Variants in SIX1 observed in about 807,000 individuals in gnomAD.
The protein encoded by SIX1 is SIX homeobox 1.
Under a neutral mutation model 26.5 loss-of-function variants are expected in SIX1, and 11 were observed. The observed-to-expected ratio is 0.41, with a 90% CI of 0.26 to 0.69. SIX1 has a LOEUF of 0.69. Ranked by LOEUF, SIX1 falls within the 30% of genes least tolerant of loss-of-function variation. SIX1 has a pLI of 0.28. For missense variants in SIX1, 333 were observed against 365.9 expected, an observed-to-expected ratio of 0.91 and a Z score of 0.73; for synonymous variants, 177 against 166.2, an observed-to-expected ratio of 1.06 and a Z score of -0.50.
chr14:60,648,695 G>A lies in SIX1; in HGVS notation c.495C>T (p.Thr165=), dbSNP rs1181935324. ...RELAEATGLT[T]TQVSNWFKNR... ...TCTTAAACCAGTTGCTGACCTGGGT[G>A]GTGGTGAGGCCGGTGGCCTCGGCCA... The change falls in exon 1 of 2, where the codon ACC becomes ACT. Residue 165 remains threonine (T), a synonymous_variant. Coordinates refer to ENST00000645694, the MANE Select transcript of SIX1 (RefSeq NM_005982.4). The surrounding 1 kb of genome is among the most constrained non-coding windows in gnomAD (Gnocchi z 7.9). 1.2e-6 allele frequency: 2 copies of A among 1,614,002 alleles called. No homozygotes were observed. The highest frequency in any genetic ancestry group is 2.2e-5 in the East Asian group (1 of 44,890).
rs1182355421 is a variant in SIX1 at position 60,648,221 on chromosome 14, AGAG to A, written c.560+406_560+408del. On this transcript the variant is annotated intron_variant, in intron 1 of 1. Transcript: ENST00000645694. This position sits in a 1 kb window ranked among gnomAD's most constrained non-coding sequence, Gnocchi z 7.9. ...GCCAGCTTCACCCCTCTGGGGAGCA[AGAG>A]GAGAGAGGTTCGCGAACCTCAGCTC... is the stretch of plus-strand genomic sequence containing the variant. Among the ~76,000 whole-genome samples the A allele has an allele frequency of 2.6e-5, 4 of 152,108 alleles. No individual in the cohort carries two copies. Among genetic ancestry groups the A allele is most frequent in the African/African-American group, 9.7e-5 (4 of 41,432 alleles).
chr14:60,646,620 A>AG, intron 1 of SIX1, 43 bp from the exon 2 acceptor site: 1 of 1,494,966 alleles, frequency 6.7e-7, no homozygotes, highest in Non-Finnish European at 9.0e-7. Context: ...AAAAAAAAAA[A>AG]AAAAAAAAAA....
rs1310180477 is a variant in SIX1, at chr14:60,646,109, C to T, written c.*174G>A. The T allele has an allele frequency of 8.4e-6, 5 of 595,946 alleles. No homozygotes were observed. The highest frequency in any genetic ancestry group is 8.6e-6 in the Non-Finnish European group (3 of 348,712). The allele number at this position is 595,946 out of a possible 1,614,324, so 36.9% of individuals were successfully genotyped here. On this transcript the variant is annotated 3_prime_UTR_variant, in exon 2 of 2. Transcript: ENST00000645694. Reference sequence around the variant, plus strand: ...GAGAAGAGGAGATTAAGCTTGAGATCGCTGTTGGTTTTGATTTTTAAAAAG... The same window carrying T: ...GAGAAGAGGAGATTAAGCTTGAGATTGCTGTTGGTTTTGATTTTTAAAAAG...
chr14:60,645,489 AT>A lies in SIX1; in HGVS notation c.*793del, dbSNP rs1894923082. 1 of 148,666 alleles carries A rather than the reference AT, an allele frequency of 6.7e-6. No homozygotes were observed. The highest frequency in any genetic ancestry group is 1.5e-5 in the Non-Finnish European group (1 of 67,424). The allele number at this position is 148,666 out of a possible 1,614,324, so 9.2% of individuals were successfully genotyped here. On this transcript the variant is annotated 3_prime_UTR_variant, in exon 2 of 2. Transcript: ENST00000645694. This position sits in a 1 kb window ranked among gnomAD's most constrained non-coding sequence, Gnocchi z 4.6. The stretch of plus-strand genomic sequence containing the variant: ...GGCATTCAGGAAAGTGTTTTTTCAC[AT>A]TGGTACATTTTTAGAGTTTGTCATT...
rs139599455 is a variant in SIX1, at chr14:60,647,677, C to G, written c.560+953G>C. ...GTCTTGGAAGCGAACAAAGGAAAAC[C>G]TAACCGGCCCCTGCGCTCAGGTTTT... On this transcript the variant is annotated intron_variant, in intron 1 of 1. Transcript: ENST00000645694. The surrounding 1 kb of genome is among the most constrained non-coding windows in gnomAD (Gnocchi z 5.1). 5.9e-5 allele frequency among the ~76,000 whole-genome samples: 9 copies of G among 152,200 alleles called. No individual in the cohort carries two copies. The East Asian group carries it at 1.5e-3, about 26-fold the overall frequency.
intron 1 of SIX1, 93 bp from the exon 2 acceptor site, chr14:60,646,670 T>C: frequency 9.6e-7 from 1 of 1,041,262 alleles, no homozygotes; most frequent in Non-Finnish European, 1.4e-6. Context: ...GGAGGGGAGC[T>C]GGAAGGAGGA....
At position 60,647,911 on chromosome 14, in the gene SIX1, C is replaced by A. The variant is rs1233254996; in HGVS notation, c.560+719G>T. 6.6e-6 allele frequency among the ~76,000 whole-genome samples: 1 copy of A among 152,226 alleles called. No individual in the cohort carries two copies. The highest frequency in any genetic ancestry group is 2.1e-4 in the South Asian group (1 of 4,832). ...TGCGAGAGAGGGCTGCGACTGGAGA[C>A]CCTTTCCTCGTCTGGGCATGCGGCG... On this transcript the variant is annotated intron_variant, in intron 1 of 1. Coordinates refer to ENST00000645694, the MANE Select transcript of SIX1 (RefSeq NM_005982.4). This position sits in a 1 kb window ranked among gnomAD's most constrained non-coding sequence, Gnocchi z 5.1.
Position 60,645,355 on chromosome 14 carries a change from C to G in SIX1, c.*928G>C, listed in dbSNP as rs1894920159. ...ACACATGCTGTTTTAGTAACAAATA[C>G]CAGGTTGCCAGATTCGTTGGCATAC... is the stretch of plus-strand genomic sequence containing the variant. On this transcript the variant is annotated 3_prime_UTR_variant, in exon 2 of 2. Coordinates refer to ENST00000645694, the MANE Select transcript of SIX1 (RefSeq NM_005982.4). The surrounding 1 kb of genome is among the most constrained non-coding windows in gnomAD (Gnocchi z 4.6). 1.3e-5 allele frequency: 2 copies of G among 152,112 alleles called. No individual in the cohort carries two copies. Among genetic ancestry groups the G allele is most frequent in the African/African-American group, 4.8e-5 (2 of 41,440 alleles). The allele number at this position is 152,112 out of a possible 1,614,324, so 9.4% of individuals were successfully genotyped here. A position where few individuals can be genotyped will look rare whatever the true frequency, so the allele number is the denominator to read the frequency against.
rs765427858 is a variant in SIX1, at chr14:60,648,685, T to C, written c.505A>G (p.Ser169Gly). 6.2e-7 allele frequency: 1 copy of C among 1,614,142 alleles called. No homozygotes were observed. The highest frequency in any genetic ancestry group is 1.1e-5 in the South Asian group (1 of 91,088). The change falls in exon 1 of 2, where the codon AGC (serine) becomes GGC (glycine). Residue 169 changes from serine (S) to glycine (G), a missense_variant. By Grantham distance (56) the Ser-to-Gly change is moderately conservative (BLOSUM62 0). This residue lies in a region of SIX1 where 199 missense variants were observed against 215.2 expected (regional missense o/e 0.92). Coordinates refer to ENST00000645694, the MANE Select transcript of SIX1 (RefSeq NM_005982.4). The surrounding 1 kb of genome is among the most constrained non-coding windows in gnomAD (Gnocchi z 7.9). Reference sequence around the variant, plus strand: ...TGCCTCCGGTTCTTAAACCAGTTGCTGACCTGGGTGGTGGTGAGGCCGGTG... The same window carrying C: ...TGCCTCCGGTTCTTAAACCAGTTGCCGACCTGGGTGGTGGTGAGGCCGGTG... ...EATGLTTTQVSNWFKNRRQRD... is the reference protein window; with the variant it reads ...EATGLTTTQVGNWFKNRRQRD...
chr14:60,649,351 C>T lies in SIX1; in HGVS notation c.-162G>A. 1 of 634,422 alleles carries T rather than the reference C, an allele frequency of 1.6e-6. No individual in the cohort carries two copies. Among genetic ancestry groups the T allele is most frequent in the East Asian group, 2.8e-5 (1 of 36,000 alleles). The allele number at this position is 634,422 out of a possible 1,614,324, so 39.3% of individuals were successfully genotyped here. A position where few individuals can be genotyped will look rare whatever the true frequency, so the allele number is the denominator to read the frequency against. On this transcript the variant is annotated 5_prime_UTR_variant, in exon 1 of 2. Transcript: ENST00000645694. The surrounding 1 kb of genome is among the most constrained non-coding windows in gnomAD (Gnocchi z 5.1). ...GAGTCGGAACTTGGCGGTGGGCGGC[C>T]AAGGAAGAGAAGGCGGAGGAGTAGG...
intron 1 of SIX1, 81 bp from the exon 2 acceptor site, chr14:60,646,658 A>C: frequency 8.0e-7 from 1 of 1,255,880 alleles, no homozygotes; most frequent in Non-Finnish European, 1.1e-6. Context: ...TGTGAGATGG[A>C]GGGAGGGGAG....
chr14:60,648,558 G>T lies in SIX1; in HGVS notation c.560+72C>A, dbSNP rs993534732. The T allele has an allele frequency of 9.6e-6, 14 of 1,461,400 alleles. No homozygotes were observed. Among genetic ancestry groups the T allele is most frequent in the Non-Finnish European group, 1.3e-5 (14 of 1,071,572 alleles). 90.5% of individuals were successfully genotyped at this position (1,461,400 alleles called of 1,614,324 possible). On this transcript the variant is annotated intron_variant, in intron 1 of 1. Coordinates refer to ENST00000645694, the MANE Select transcript of SIX1 (RefSeq NM_005982.4). This position sits in a 1 kb window ranked among gnomAD's most constrained non-coding sequence, Gnocchi z 7.9. ...GAGGACTTGGTGGCTGGTGCCTGCG[G>T]GGGCGGGAGGGGGCGGAGGAGAAAG...
rs2140238964 is a variant in SIX1, at chr14:60,645,731, C to T, written c.*552G>A. On this transcript the variant is annotated 3_prime_UTR_variant, in exon 2 of 2. Transcript: ENST00000645694. This position sits in a 1 kb window ranked among gnomAD's most constrained non-coding sequence, Gnocchi z 4.6. ...TATGAAAAATGTAAACTTAATTTTTCCTCATCAAAGAAAGTTATAGATTGT... is the reference window on the plus strand; with the variant it reads ...TATGAAAAATGTAAACTTAATTTTTTCTCATCAAAGAAAGTTATAGATTGT... 1 of 152,056 alleles carries T rather than the reference C, an allele frequency of 6.6e-6. No individual in the cohort carries two copies. The highest frequency in any genetic ancestry group is 2.1e-4 in the South Asian group (1 of 4,814). The allele number at this position is 152,056 out of a possible 1,614,324, so 9.4% of individuals were successfully genotyped here.
rs957430042 is a variant in SIX1 at position 60,648,474 on chromosome 14, T to C, written c.560+156A>G. Among the ~76,000 whole-genome samples the C allele has an allele frequency of 6.6e-6, 1 of 152,176 alleles. No individual in the cohort carries two copies. Among genetic ancestry groups the C allele is most frequent in the African/African-American group, 2.4e-5 (1 of 41,442 alleles). On this transcript the variant is annotated intron_variant, in intron 1 of 1. Coordinates refer to ENST00000645694, the MANE Select transcript of SIX1 (RefSeq NM_005982.4). The surrounding 1 kb of genome is among the most constrained non-coding windows in gnomAD (Gnocchi z 7.9). Reference sequence around the variant, plus strand: ...AAGGAACCTCAGAGTTCATGAACTTTCGCTGCAGCGCCGCGGAGGGCCTGC... The same window carrying C: ...AAGGAACCTCAGAGTTCATGAACTTCCGCTGCAGCGCCGCGGAGGGCCTGC...
chr14:60,646,300 C>T lies in SIX1; in HGVS notation c.838G>A (p.Val280Met), dbSNP rs2140239343. Residue 280 changes from valine (V) to methionine (M), a missense_variant, in exon 2 of 2, where the codon GTG (valine) becomes ATG (methionine). Coordinates refer to ENST00000645694, the MANE Select transcript of SIX1 (RefSeq NM_005982.4). ...CTCCCCACTTAGGACCCCAAGTCCA[C>T]CAGACTGGAGGTGAGGGGGCCGAGC... ...SLLGPLTSSL[V>M]DLGS is the part of the protein sequence containing the mutation. 1 of 1,612,808 alleles carries T rather than the reference C, an allele frequency of 6.2e-7. No homozygotes were observed. Among genetic ancestry groups the T allele is most frequent in the East Asian group, 2.2e-5 (1 of 44,832 alleles).
In SIX1 at chr14:60,646,262, G is replaced by A. The variant is rs1362945865; in HGVS notation, c.*21C>T. ...TGGTTGCTGCTCCAGGAATCCCTTC[G>A]AGGCCCCAGTCCCTCCCCACTTAGG... is the stretch of plus-strand genomic sequence containing the variant. On this transcript the variant is annotated 3_prime_UTR_variant, in exon 2 of 2. Coordinates refer to ENST00000645694, the MANE Select transcript of SIX1 (RefSeq NM_005982.4). 3.7e-6 allele frequency: 6 copies of A among 1,607,790 alleles called. No homozygotes were observed. Among genetic ancestry groups the A allele is most frequent in the East Asian group, 2.2e-5 (1 of 44,742 alleles).
In SIX1 at chr14:60,648,834, C is replaced by G; in HGVS notation, c.356G>C (p.Arg119Pro). 6.2e-7 allele frequency: 1 copy of G among 1,614,208 alleles called. No individual in the cohort carries two copies. Among genetic ancestry groups the G allele is most frequent in the Non-Finnish European group, 8.5e-7 (1 of 1,180,040 alleles). The change falls in exon 1 of 2, where the codon CGC (arginine) becomes CCC (proline). Residue 119 changes from arginine to proline, a missense_variant. Physicochemically the swap from Arg to Pro is moderately radical, Grantham distance 103. This residue lies in a region of SIX1 where 199 missense variants were observed against 215.2 expected (regional missense o/e 0.92). Coordinates refer to ENST00000645694, the MANE Select transcript of SIX1 (RefSeq NM_005982.4). The surrounding 1 kb of genome is among the most constrained non-coding windows in gnomAD (Gnocchi z 7.9). ...GGTCTCCTCGCCGTCCCAGATGGTGCGCGGCAGTGGAAATTTTCGGCGCAC... is the reference window on the plus strand; with the variant it reads ...GGTCTCCTCGCCGTCCCAGATGGTGGGCGGCAGTGGAAATTTTCGGCGCAC... The part of the protein sequence containing the change: ...YRVRRKFPLP[R>P]TIWDGEETSY...
Position 60,649,354 on chromosome 14 carries a change from G to T in SIX1, c.-165C>A. On this transcript the variant is annotated 5_prime_UTR_variant, in exon 1 of 2. Coordinates refer to ENST00000645694, the MANE Select transcript of SIX1 (RefSeq NM_005982.4). The surrounding 1 kb of genome is among the most constrained non-coding windows in gnomAD (Gnocchi z 5.1). ...TCGGAACTTGGCGGTGGGCGGCCAA[G>T]GAAGAGAAGGCGGAGGAGTAGGGGA... The T allele has an allele frequency of 1.6e-6, 1 of 626,396 alleles. No individual in the cohort carries two copies. The highest frequency in any genetic ancestry group is 2.8e-6 in the Non-Finnish European group (1 of 359,952). The allele number at this position is 626,396 out of a possible 1,614,324, so 38.8% of individuals were successfully genotyped here.
chr14:60,649,466 GC>G lies in SIX1; in HGVS notation c.-278del, dbSNP rs1895022597. 2.5e-6 allele frequency: 1 copy of G among 397,834 alleles called. No homozygotes were observed. Among genetic ancestry groups the G allele is most frequent in the African/African-American group, 2.1e-5 (1 of 47,306 alleles). 24.6% of individuals were successfully genotyped at this position (397,834 alleles called of 1,614,324 possible). ...TCCCGCCCGGTGGATGCTGCTAGTTGCCGGGGAACTTGGTTTCTGTTCTCCC... is the reference window on the plus strand; with the variant it reads ...TCCCGCCCGGTGGATGCTGCTAGTTGCGGGGAACTTGGTTTCTGTTCTCCC... On this transcript the variant is annotated 5_prime_UTR_variant, in exon 1 of 2. Transcript: ENST00000645694. This position sits in a 1 kb window ranked among gnomAD's most constrained non-coding sequence, Gnocchi z 5.1.
Sources: allele counts gnomAD v4.1 joint callset (sites outside exome capture counted in the v4.1 genomes callset), GRCh38; gene constraint gnomAD v4.1.1; regional missense constraint gnomAD v4.1.1; non-coding constraint Gnocchi (gnomAD v3.1); transcripts MANE v1.5; gene names NCBI Gene and HGNC (gene_info 2026-07-23, HGNC 2026-07-21).